EHMT1: variants seen among roughly 807,000 people sequenced by gnomAD.
EHMT1 encodes histone-lysine N-methyltransferase EHMT1.
EHMT1 carries 15 observed loss-of-function variants against 147.2 expected under a neutral mutation model. That is an observed-to-expected ratio of 0.10 (90% CI 0.07 to 0.16). The LOEUF is 0.16. EHMT1 is among the 10% of genes least tolerant of loss of function. The probability of loss-of-function intolerance (pLI) is 1.00; values close to 1 mark genes in which losing one functional copy is unlikely to be tolerated. For missense variants in EHMT1, 1,587 were observed against 1,772.4 expected (o/e 0.90, Z 1.88); for synonymous variants, 795 against 709.6 (o/e 1.12, Z -1.91).
chr9:137,796,924 C>A (rs80279272), intron 16 of EHMT1, among the ~76,000 whole-genome samples: 5,650 of 152,046 alleles, frequency 0.037, 148 homozygotes, highest in Middle Eastern at 0.071. Flanking sequence ...ACTGGTGGGG[C>A]GCGGGGACTG....
At chr9:137,797,109 C>G (rs1428408964) in intron 16 of EHMT1, among the ~76,000 whole-genome samples, 2 of 152,006 alleles carry the variant, frequency 1.3e-5, no homozygotes, top group South Asian at 2.1e-4. Context: ...ATAGTGATAA[C>G]TTCTCGGAAG....
At chr9:137,742,302 TGTGTG>T (rs1948165304) in intron 4 of EHMT1, among the ~76,000 whole-genome samples, 1 of 149,104 alleles carries the variant, frequency 6.7e-6, no homozygotes, top group African/African-American at 2.5e-5. Context: ...TGTGTGTGTG[TGTGTG>T]TGTGTGTGTG....
At chr9:137,631,716 A>G (rs1021819948) in intron 1 of EHMT1, among the ~76,000 whole-genome samples, 5 of 152,046 alleles carry the variant, frequency 3.3e-5, no homozygotes, top group Non-Finnish European at 5.9e-5. Flanking sequence ...TCTCTACAAA[A>G]AATAATGAAA....
intron 2 of EHMT1, among the ~76,000 whole-genome samples, chr9:137,714,591 C>T (rs1427138430): frequency 7.3e-6 from 1 of 136,546 alleles, no homozygotes; most frequent in Non-Finnish European, 1.5e-5. Flanking sequence ...TGAGACCTGT[C>T]ACCCAGGCTG....
intron 1 of EHMT1, among the ~76,000 whole-genome samples, chr9:137,625,393 A>T (rs1230255136): frequency 6.6e-6 from 1 of 151,962 alleles, no homozygotes; most frequent in Non-Finnish European, 1.5e-5. Flanking sequence ...TTGGAGAGAG[A>T]CAGTCTCACT....
chr9:137,788,831 C>G lies in EHMT1; in HGVS notation c.2383-2017C>G. ...AGTCCCAGGCTGTGTGGGACTTGGT[C>G]AGTGTCAGCCGCTCCGCTTGCGGTG... is the stretch of plus-strand genomic sequence containing the variant. On this transcript the variant is annotated intron_variant, in intron 15 of 26. Transcript: ENST00000460843. The G allele has an allele frequency of 6.6e-6, 1 of 152,360 alleles. No homozygotes were observed. The highest frequency in any genetic ancestry group is 1.5e-5 in the Non-Finnish European group (1 of 68,090). The allele number at this position is 152,360 out of a possible 1,614,324, so 9.4% of individuals were successfully genotyped here.
chr9:137,827,570 C>T lies in EHMT1; in HGVS notation c.3541-6779C>T, dbSNP rs139872855. Among the ~76,000 whole-genome samples the T allele has an allele frequency of 5.5e-3, 831 of 152,332 alleles. 7 individuals are homozygous for T. The highest frequency in any genetic ancestry group is 0.019 in the African/African-American group (807 of 41,574). On this transcript the variant is annotated intron_variant, in intron 25 of 26. Coordinates refer to ENST00000460843, the MANE Select transcript of EHMT1 (RefSeq NM_024757.5). ...TGGGCACCCACCCCTGGGTCTGCCC[C>T]AGCCCTGGTGTTGCCATCTGTTCTC...
Position 137,651,108 on chromosome 9 carries a change from A to C in EHMT1, c.21+32059A>C, listed in dbSNP as rs569441794. ...CCACCAGTGTTGACGATGATATGGA[A>C]AAACTGGAACCCTCCCAAAGTGCCG... On this transcript the variant is annotated intron_variant, in intron 1 of 26. Coordinates refer to ENST00000460843, the MANE Select transcript of EHMT1 (RefSeq NM_024757.5). 1.4e-4 allele frequency: 21 copies of C among 152,210 alleles called. No individual in the cohort carries two copies. The East Asian group carries it at 3.7e-3, about 27-fold the overall frequency. 9.4% of individuals were successfully genotyped at this position (152,210 alleles called of 1,614,324 possible).
chr9:137,825,658 C>T (rs563618626), intron 25 of EHMT1, among the ~76,000 whole-genome samples: 1 of 152,294 alleles, frequency 6.6e-6, no homozygotes, highest in Admixed American at 6.5e-5. Flanking sequence ...CCTCTTGTTG[C>T]TTGATGGATA....
chr9:137,706,078 G>A (rs1370766846), intron 1 of EHMT1, among the ~76,000 whole-genome samples: 5 of 151,832 alleles, frequency 3.3e-5, no homozygotes, highest in South Asian at 4.2e-4. Flanking sequence ...AGCAGGGGTG[G>A]GGCATCAGGG....
intron 4 of EHMT1, among the ~76,000 whole-genome samples, chr9:137,730,737 G>C (rs10124805): frequency 6.6e-6 from 1 of 152,198 alleles, no homozygotes; most frequent in Non-Finnish European, 1.5e-5. Flanking sequence ...GTCCTGGGGC[G>C]TGGGCACCTC....
intron 15 of EHMT1, chr9:137,784,347 C>T: frequency 2.3e-6 from 3 of 1,283,458 alleles, no homozygotes; most frequent in Non-Finnish European, 2.0e-6. Context: ...GCCTCAAAAC[C>T]TCATTGGGGC....
chr9:137,719,076 A>G (rs1051107967), intron 3 of EHMT1, among the ~76,000 whole-genome samples: 2 of 152,158 alleles, frequency 1.3e-5, no homozygotes, highest in Non-Finnish European at 2.9e-5. Context: ...TAATTTAAAA[A>G]ATACTGAATT....
intron 14 of EHMT1, among the ~76,000 whole-genome samples, chr9:137,780,394 TGTG>T (rs1471579878): frequency 7.7e-6 from 1 of 129,130 alleles, no homozygotes; most frequent in African/African-American, 3.2e-5. Flanking sequence ...CGCTGGGATG[TGTG>T]GTGATGACGC....
intron 1 of EHMT1, among the ~76,000 whole-genome samples, chr9:137,669,130 G>T (rs114630453): frequency 6.6e-6 from 1 of 152,066 alleles, no homozygotes; most frequent in Non-Finnish European, 1.5e-5. Flanking sequence ...CAGGTGATCC[G>T]CCTGCCTAGG....
In EHMT1 at chr9:137,728,330, C is replaced by T. The variant is rs367660610; in HGVS notation, c.643-19C>T. ...ACCTGCTTATGCAGTTATAGTTATT[C>T]ACTGTCTTTGTTTTGAAGCATGCAG... On this transcript the variant is annotated intron_variant, in intron 3 of 26. Transcript: ENST00000460843. The T allele has an allele frequency of 2.5e-6, 4 of 1,614,042 alleles. No individual in the cohort carries two copies. The African/African-American group carries it at 5.3e-5, about 22-fold the overall frequency.
intron 1 of EHMT1, among the ~76,000 whole-genome samples, chr9:137,660,405 C>T (rs1158588809): frequency 6.6e-6 from 1 of 152,020 alleles, no homozygotes; most frequent in Non-Finnish European, 1.5e-5. Context: ...TTGAGCAAGC[C>T]CTCCTTTCTT....
At chr9:137,712,157 TC>T (rs1944797483) in intron 2 of EHMT1, among the ~76,000 whole-genome samples, 1 of 152,202 alleles carries the variant, frequency 6.6e-6, no homozygotes, top group Admixed American at 6.5e-5. Context: ...CCTTTCTGTG[TC>T]TTTGAACTGT....
At chr9:137,796,261 AAG>A (rs1391969494) in intron 16 of EHMT1, among the ~76,000 whole-genome samples, 2 of 152,228 alleles carry the variant, frequency 1.3e-5, no homozygotes, top group South Asian at 2.1e-4. Context: ...AGACACAAAA[AAG>A]CACAAAAATG....
Sources: gnomAD v4.1 joint callset for allele counts (sites outside exome capture counted in the v4.1 genomes callset) on GRCh38, gnomAD v4.1.1 for gene constraint, MANE v1.5 for transcripts, NCBI Gene and HGNC (gene_info 2026-07-23, HGNC 2026-07-21) for gene names.